Variants in GLT8D2 observed in about 807,000 individuals in gnomAD.
GLT8D2 encodes the protein glycosyltransferase 8 domain-containing protein 2.
In GLT8D2, 45 loss-of-function variants were observed where a neutral mutation model predicts 44.5. The observed-to-expected ratio is 1.01, with a 90% CI of 0.80 to 1.30. The LOEUF is 1.30. Among genes scored for constraint, GLT8D2 ranks in the 50% most tolerant of loss-of-function variants. The pLI is 0.00. For missense variants in GLT8D2, 400 were observed against 430.4 expected (o/e 0.93, Z 0.62); for synonymous variants, 156 against 157.2 (o/e 0.99, Z 0.06).
chr12:104,027,519 G>A (rs1195338974), intron 1 of GLT8D2, among the ~76,000 whole-genome samples: 1 of 152,186 alleles, frequency 6.6e-6, no homozygotes, highest in Non-Finnish European at 1.5e-5. Context: ...TTGAAATGAG[G>A]TTCAGTTTCT....
intron 1 of GLT8D2, among the ~76,000 whole-genome samples, chr12:104,037,257 G>A (rs1280506288): frequency 6.6e-6 from 1 of 152,172 alleles, no homozygotes; most frequent in Non-Finnish European, 1.5e-5. Flanking sequence ...AAAATAACTA[G>A]AGAAGCAAGA....
rs543583404 is a variant in GLT8D2 at position 104,030,638 on chromosome 12, C to T, written c.-163-9147G>A. The T allele has an allele frequency of 5.6e-5, 72 of 1,294,488 alleles. 2 individuals carry two copies. In the Admixed American group the frequency reaches 1.7e-3, roughly 30 times the overall value. 80.2% of individuals were successfully genotyped at this position (1,294,488 alleles called of 1,614,324 possible). A position where few individuals can be genotyped will look rare whatever the true frequency, so the allele number is the denominator to read the frequency against. On this transcript the variant is annotated intron_variant, in intron 1 of 10. Transcript: ENST00000360814. The stretch of plus-strand genomic sequence containing the variant: ...GGAGCGATTATTTACAAACCATATA[C>T]CTGATAAGAAGTTAATATCCAAAAT...
chr12:103,993,400 C>G lies in GLT8D2; in HGVS notation c.872G>C (p.Arg291Thr), dbSNP rs781621412. The G allele has an allele frequency of 1.2e-6, 2 of 1,610,790 alleles. No homozygotes were observed. Among genetic ancestry groups the G allele is most frequent in the Admixed American group, 3.3e-5 (2 of 60,018 alleles). The change falls in exon 10 of 11, where the codon AGG becomes ACG. Residue 291 changes from arginine (R) to threonine (T), a missense_variant. Arg to Thr is a moderately conservative substitution (Grantham distance 71). Coordinates refer to ENST00000360814, the MANE Select transcript of GLT8D2 (RefSeq NM_001384711.1). ...TTTTCTGAAATACTTACCCAGGTGC[C>G]TTATGTGCCACAGGGGGTTAATTGT... ...YSTINPLWHIRHLGWNPDARY... is the reference protein window; with the variant it reads ...YSTINPLWHITHLGWNPDARY...
At chr12:104,053,368 C>A (rs1881884741), upstream of GLT8D2, among the ~76,000 whole-genome samples, 3 of 152,100 alleles carry the variant, frequency 2.0e-5, no homozygotes, top group African/African-American at 7.3e-5. Context: ...ACAGATTTTC[C>A]CTGGGGAAGA....
At chr12:104,025,794 C>G (rs1357128218) in intron 1 of GLT8D2, among the ~76,000 whole-genome samples, 2 of 151,962 alleles carry the variant, frequency 1.3e-5, no homozygotes, top group African/African-American at 2.4e-5. Flanking sequence ...ATATTTTGTT[C>G]CAATTTCAGG....
At chr12:104,021,986 A>AGAG (rs1877882781) in intron 1 of GLT8D2, among the ~76,000 whole-genome samples, 10 of 45,336 alleles carry the variant, frequency 2.2e-4, no homozygotes, top group African/African-American at 1.0e-3. Flanking sequence ...AGGAAGAGGA[A>AGAG]GAAGAAGAAG....
At chr12:104,020,342 C>T (rs1877470947) in intron 2 of GLT8D2, among the ~76,000 whole-genome samples, 1 of 152,054 alleles carries the variant, frequency 6.6e-6, no homozygotes, top group Non-Finnish European at 1.5e-5. Flanking sequence ...AACCCTATGC[C>T]ATCTTTCTAC....
intron 4 of GLT8D2, among the ~76,000 whole-genome samples, chr12:104,004,660 A>C: frequency 6.6e-6 from 1 of 152,246 alleles, no homozygotes; most frequent in South Asian, 2.1e-4. Context: ...ATACCTAGGA[A>C]TCCAACTTAC....
At chr12:104,048,705 A>G (rs1359824533) in intron 1 of GLT8D2, among the ~76,000 whole-genome samples, 1 of 152,344 alleles carries the variant, frequency 6.6e-6, no homozygotes, top group Non-Finnish European at 1.5e-5. Flanking sequence ...GGACTGTCAG[A>G]GGGAACCATG....
chr12:104,038,314 G>T (rs1246971101), intron 1 of GLT8D2, among the ~76,000 whole-genome samples: 1 of 152,168 alleles, frequency 6.6e-6, no homozygotes, highest in African/African-American at 2.4e-5. Context: ...GCAGGAGAAA[G>T]AAATAAAGGG....
intron 1 of GLT8D2, among the ~76,000 whole-genome samples, chr12:104,042,980 G>T (rs561821268): frequency 1.3e-5 from 2 of 152,280 alleles, no homozygotes; most frequent in East Asian, 1.9e-4. Context: ...GGCTAACAAG[G>T]TCCCGGCATG....
In GLT8D2 at chr12:104,022,155, G is replaced by A. The variant is rs957170106; in HGVS notation, c.-163-664C>T. ...TTTCAGAAGAGCTGCCATATTTGTCGTGTGTCTTTTTGTAGCCCCAAGTCA... is the reference window on the plus strand; with the variant it reads ...TTTCAGAAGAGCTGCCATATTTGTCATGTGTCTTTTTGTAGCCCCAAGTCA... On this transcript the variant is annotated intron_variant, in intron 1 of 10. Coordinates refer to ENST00000360814, the MANE Select transcript of GLT8D2 (RefSeq NM_001384711.1). 6.6e-5 allele frequency among the ~76,000 whole-genome samples: 10 copies of A among 151,972 alleles called. No individual in the cohort carries two copies. The East Asian group carries it at 9.6e-4, about 15-fold the overall frequency.
chr12:104,049,227 T>A (rs1243821592), intron 1 of GLT8D2, among the ~76,000 whole-genome samples: 3 of 151,804 alleles, frequency 2.0e-5, no homozygotes, highest in Non-Finnish European at 4.4e-5. Context: ...TATCATCATG[T>A]TTTCTTTCTC....
chr12:104,050,926 T>C (rs1201495218), upstream of GLT8D2, among the ~76,000 whole-genome samples: 1 of 151,608 alleles, frequency 6.6e-6, no homozygotes, highest in Non-Finnish European at 1.5e-5. Flanking sequence ...ATGATTCTCC[T>C]GCCTCAGCCT....
At chr12:104,000,716 C>G (rs967622582) in intron 5 of GLT8D2, among the ~76,000 whole-genome samples, 1 of 152,112 alleles carries the variant, frequency 6.6e-6, no homozygotes, top group African/African-American at 2.4e-5. Flanking sequence ...AGTTTTCATA[C>G]CCATGGATAG....
intron 7 of GLT8D2, among the ~76,000 whole-genome samples, 170 bp downstream of exon 7, chr12:103,997,281 T>C (rs565681550): frequency 8.4e-4 from 128 of 152,322 alleles, no homozygotes; most frequent in Non-Finnish European, 1.4e-3. Flanking sequence ...TCTCAGTAAG[T>C]ATCAACCCGT....
chr12:103,997,284 C>T (rs758358025), intron 7 of GLT8D2, among the ~76,000 whole-genome samples, 167 bp downstream of exon 7: 63 of 152,172 alleles, frequency 4.1e-4, no homozygotes, highest in Non-Finnish European at 7.1e-4. Context: ...CAGTAAGTAT[C>T]AACCCGTTTC....
chr12:104,047,747 A>C (rs1292548859), intron 1 of GLT8D2, among the ~76,000 whole-genome samples: 2 of 152,188 alleles, frequency 1.3e-5, no homozygotes, highest in Non-Finnish European at 2.9e-5. Flanking sequence ...GGGGGGACAC[A>C]AACCTTCAGA....
At chr12:104,023,397 C>T (rs1169315351) in intron 1 of GLT8D2, among the ~76,000 whole-genome samples, 1 of 152,078 alleles carries the variant, frequency 6.6e-6, no homozygotes, top group Non-Finnish European at 1.5e-5. Context: ...GAGTGCTTCA[C>T]CCAGGGGAAC....
Sources: gnomAD v4.1 joint callset for allele counts (sites outside exome capture counted in the v4.1 genomes callset) on GRCh38, gnomAD v4.1.1 for gene constraint, MANE v1.5 for transcripts, NCBI Gene and HGNC (gene_info 2026-07-23, HGNC 2026-07-21) for gene names.